Variants in UNC5D observed in about 807,000 individuals in gnomAD.
UNC5D encodes the protein netrin receptor UNC5D.
In UNC5D, 39 loss-of-function variants were observed where a neutral mutation model predicts 105.4. The ratio of observed to expected loss-of-function variants is 0.37; its 90% CI spans 0.29 to 0.48. The LOEUF (loss-of-function observed/expected upper bound fraction) is 0.48. Ranked by LOEUF, UNC5D falls within the 20% of genes least tolerant of loss-of-function variation. UNC5D has a pLI of 0.98. For missense variants in UNC5D, 991 were observed against 1,202.4 expected (o/e 0.82, Z 2.60); for synonymous variants, 452 against 450.4 (o/e 1.00, Z -0.04).
At chr8:35,305,595 T>TTCTTTCTTTCTTTCTTTCTTTC (rs1808310210) in intron 1 of UNC5D, among the ~76,000 whole-genome samples, 2 of 129,698 alleles carry the variant, frequency 1.5e-5, no homozygotes, top group Admixed American at 8.8e-5. Flanking sequence ...CTTTCTTTCT[T>TTCTTTCTTTCTTTCTTTCTTTC]TCTTTCTTTC....
intron 4 of UNC5D, among the ~76,000 whole-genome samples, chr8:35,620,007 G>A (rs1428692732): frequency 6.6e-6 from 1 of 152,158 alleles, no homozygotes; most frequent in African/African-American, 2.4e-5. Flanking sequence ...CATTCGCTCA[G>A]CACAGGTCCT....
chr8:35,752,529 G>C (rs1416402106), intron 13 of UNC5D, among the ~76,000 whole-genome samples: 2 of 152,036 alleles, frequency 1.3e-5, no homozygotes, highest in Non-Finnish European at 2.9e-5. Context: ...CTTCATCTTT[G>C]GCTGCTCACA....
chr8:35,724,254 A>G (rs1010786609), intron 9 of UNC5D: 32 of 1,533,084 alleles, frequency 2.1e-5, no homozygotes, highest in Non-Finnish European at 2.8e-5. Context: ...TTTTTAGCCA[A>G]GAATATCATG....
At chr8:35,287,144 A>C (rs1032527168) in intron 1 of UNC5D, among the ~76,000 whole-genome samples, 2 of 152,238 alleles carry the variant, frequency 1.3e-5, no homozygotes, top group Non-Finnish European at 2.9e-5. Context: ...TAACCACCAA[A>C]AAACACCTGC....
intron 1 of UNC5D, among the ~76,000 whole-genome samples, chr8:35,395,741 C>T (rs1486965100): frequency 6.6e-6 from 1 of 152,154 alleles, no homozygotes; most frequent in Non-Finnish European, 1.5e-5. Context: ...ACCTTTCATT[C>T]AGCACAAAAA....
intron 1 of UNC5D, among the ~76,000 whole-genome samples, chr8:35,245,934 C>A (rs1185984084): frequency 6.6e-6 from 1 of 152,128 alleles, no homozygotes; most frequent in Admixed American, 6.5e-5. Context: ...AATTTTGACT[C>A]AAAAGTCAGC....
At chr8:35,378,893 T>A (rs1802860627) in intron 1 of UNC5D, among the ~76,000 whole-genome samples, 2 of 152,174 alleles carry the variant, frequency 1.3e-5, no homozygotes, top group African/African-American at 4.8e-5. Context: ...AATTGCCTTC[T>A]CACTGTGTTT....
chr8:35,706,947 G>T (rs928225680), intron 8 of UNC5D, among the ~76,000 whole-genome samples: 1 of 152,162 alleles, frequency 6.6e-6, no homozygotes, highest in Non-Finnish European at 1.5e-5. Flanking sequence ...AGATACTGGG[G>T]CAACATTAAT....
chr8:35,311,060 G>A (rs916220389), intron 1 of UNC5D, among the ~76,000 whole-genome samples: 2 of 152,200 alleles, frequency 1.3e-5, no homozygotes, highest in Non-Finnish European at 2.9e-5. Context: ...ATAGGACTCA[G>A]TGCAGGAGGC....
intron 11 of UNC5D, among the ~76,000 whole-genome samples, chr8:35,743,958 A>C (rs1380775001): frequency 6.6e-6 from 1 of 152,176 alleles, no homozygotes; most frequent in Non-Finnish European, 1.5e-5. Flanking sequence ...TTTATATTTC[A>C]CTTGTTATCT....
At chr8:35,359,991 T>C (rs1463604724) in intron 1 of UNC5D, among the ~76,000 whole-genome samples, 1 of 152,226 alleles carries the variant, frequency 6.6e-6, no homozygotes, top group Non-Finnish European at 1.5e-5. Context: ...TTTGAATTAT[T>C]CTCAGACTTA....
At chr8:35,384,391 A>G (rs1472395242) in intron 1 of UNC5D, among the ~76,000 whole-genome samples, 1 of 152,156 alleles carries the variant, frequency 6.6e-6, no homozygotes, top group Admixed American at 6.5e-5. Flanking sequence ...ACTCACATGT[A>G]TGCATTCTAA....
chr8:35,462,878 A>G lies in UNC5D; in HGVS notation c.104-86414A>G, dbSNP rs141787009. ...TCTCCATCCCCCAATTTAAGTTAAG[A>G]CAGCAACTGAGTTTCTTGATCTCTC... is the stretch of plus-strand genomic sequence containing the variant. On this transcript the variant is annotated intron_variant, in intron 1 of 16. Coordinates refer to ENST00000404895, the MANE Select transcript of UNC5D (RefSeq NM_080872.4). Among the ~76,000 whole-genome samples, 23 of 152,290 alleles carry G rather than the reference A, an allele frequency of 1.5e-4. No individual in the cohort carries two copies. In the East Asian group the frequency reaches 3.7e-3, roughly 24 times the overall value.
intron 14 of UNC5D, among the ~76,000 whole-genome samples, chr8:35,759,832 C>A (rs1801436319): frequency 6.6e-6 from 1 of 152,130 alleles, no homozygotes; most frequent in South Asian, 2.1e-4. Context: ...GCATCTTAAT[C>A]ATATTCAGCA....
intron 6 of UNC5D, 84 bp from the exon 7 acceptor site, chr8:35,686,461 C>G: frequency 7.1e-7 from 1 of 1,400,414 alleles, no homozygotes; most frequent in Non-Finnish European, 9.4e-7. Context: ...AAATCCAGCT[C>G]TAGAACAACA....
At chr8:35,384,308 A>C (rs548842464) in intron 1 of UNC5D, among the ~76,000 whole-genome samples, 37 of 152,314 alleles carry the variant, frequency 2.4e-4, no homozygotes, top group Non-Finnish European at 4.9e-4. Context: ...CACGGTATTT[A>C]GAACAGGCTG....
Position 35,352,581 on chromosome 8 carries a change from A to C in UNC5D, c.103+116694A>C, listed in dbSNP as rs1323321311. Among the ~76,000 whole-genome samples the C allele has an allele frequency of 2.6e-5, 4 of 152,062 alleles. 1 individual carries two copies. The highest frequency in any genetic ancestry group is 4.4e-5 in the Non-Finnish European group (3 of 68,000). ...CTTAGAAGACATCTTTGTTCTGTAA[A>C]GATTTTCTCAATGCTAGTATTTCTT... On this transcript the variant is annotated intron_variant, in intron 1 of 16. Transcript: ENST00000404895.
At chr8:35,777,556 C>G (rs1452154238) in intron 16 of UNC5D, among the ~76,000 whole-genome samples, 1 of 152,080 alleles carries the variant, frequency 6.6e-6, no homozygotes, top group Non-Finnish European at 1.5e-5. Flanking sequence ...AACTAAGAGC[C>G]AGCAAACTTA....
intron 1 of UNC5D, among the ~76,000 whole-genome samples, chr8:35,289,331 T>C (rs1266227510): frequency 2.6e-5 from 4 of 152,194 alleles, no homozygotes; most frequent in Non-Finnish European, 5.9e-5. Flanking sequence ...ATATGTGCAC[T>C]AAACATTGTA....
Sources: allele counts gnomAD v4.1 joint callset (sites outside exome capture counted in the v4.1 genomes callset), GRCh38; gene constraint gnomAD v4.1.1; transcripts MANE v1.5; gene names NCBI Gene and HGNC (gene_info 2026-07-23, HGNC 2026-07-21).